POLR2B: variants seen among roughly 807,000 people sequenced by gnomAD.
The protein encoded by POLR2B is RNA polymerase II subunit B.
Under a neutral mutation model 144.6 loss-of-function variants are expected in POLR2B, and 57 were observed. That is an observed-to-expected ratio of 0.39 (90% CI 0.32 to 0.49). POLR2B has a LOEUF of 0.49. Ranked by LOEUF, POLR2B falls within the 20% of genes least tolerant of loss-of-function variation. The probability of loss-of-function intolerance (pLI) is 0.83; values close to 1 mark genes in which losing one functional copy is unlikely to be tolerated. For synonymous variants in POLR2B, 442 were observed against 469.8 expected (o/e 0.94, Z 0.77); for missense variants, 595 against 1,467.4 (o/e 0.41, Z 9.71).
Position 57,017,487 on chromosome 4 carries a change from G to T in POLR2B, c.2155-73G>T. ...GAGTTTTACCAATCATATTTCTTTT[G>T]ATTTATTGTCAGAGTCTTTTCCATT... On this transcript the variant is annotated intron_variant, in intron 15 of 24. Coordinates refer to ENST00000314595, the MANE Select transcript of POLR2B (RefSeq NM_000938.3). The surrounding 1 kb of genome is among the most constrained non-coding windows in gnomAD (Gnocchi z 4.8). 2 of 1,243,230 alleles carry T rather than the reference G, an allele frequency of 1.6e-6. No homozygotes were observed. Among genetic ancestry groups the T allele is most frequent in the South Asian group, 3.0e-5 (2 of 66,222 alleles). The allele number at this position is 1,243,230 out of a possible 1,614,324, so 77.0% of individuals were successfully genotyped here. A position where few individuals can be genotyped will look rare whatever the true frequency, so the allele number is the denominator to read the frequency against.
chr4:56,978,943 CTT>C lies in POLR2B; in HGVS notation c.-40_-39del, dbSNP rs753942398. The C allele has an allele frequency of 1.2e-4, 192 of 1,607,562 alleles. No individual in the cohort carries two copies. Among genetic ancestry groups the C allele is most frequent in the Non-Finnish European group, 1.6e-4 (184 of 1,175,196 alleles). On this transcript the variant is annotated 5_prime_UTR_variant, in exon 1 of 25. Coordinates refer to ENST00000314595, the MANE Select transcript of POLR2B (RefSeq NM_000938.3). ...CTGCTGGCTTCTGGGCGGTTTTTGT[CTT>C]TTGATTTCAAGAGTTAGGAGCTCGA...
chr4:57,010,208 A>T, intron 10 of POLR2B, 153 bp from the exon 11 acceptor site: 1 of 649,696 alleles, frequency 1.5e-6, no homozygotes, highest in Non-Finnish European at 2.6e-6. Flanking sequence ...CAGGTAAGTT[A>T]AAGTGTCAAA....
intron 1 of POLR2B, among the ~76,000 whole-genome samples, chr4:56,980,607 C>G (rs1369922265): frequency 3.3e-5 from 5 of 152,016 alleles, no homozygotes; most frequent in Non-Finnish European, 5.9e-5. Flanking sequence ...ATAGTCCCAG[C>G]TACTTGTGGG....
intron 21 of POLR2B, among the ~76,000 whole-genome samples, chr4:57,024,624 A>C (rs1723658167): frequency 6.6e-6 from 1 of 152,096 alleles, no homozygotes; most frequent in Non-Finnish European, 1.5e-5. Context: ...TTCTATTTGA[A>C]TACTTATAAT....
intron 2 of POLR2B, among the ~76,000 whole-genome samples, chr4:56,988,081 T>G (rs912996758): frequency 1.3e-5 from 2 of 151,708 alleles, no homozygotes; most frequent in Non-Finnish European, 2.9e-5. Flanking sequence ...AATTAAAAAA[T>G]ATATATTGAG....
At chr4:57,012,072 TA>T (rs1251560174) in intron 13 of POLR2B, among the ~76,000 whole-genome samples, 2 of 152,060 alleles carry the variant, frequency 1.3e-5, no homozygotes, top group East Asian at 1.9e-4. Flanking sequence ...TTTTGGAGGA[TA>T]TTGAAGTGCT....
chr4:56,992,464 CAAAA>C lies in POLR2B; in HGVS notation c.243+1591_243+1594del, dbSNP rs1209234628. 5.7e-3 allele frequency among the ~76,000 whole-genome samples: 97 copies of C among 17,122 alleles called. 1 individual carries two copies. In the Admixed American group the frequency reaches 0.11, roughly 19 times the overall value. The allele number at this position is 17,122 out of a possible 152,430, so 11.2% of individuals were successfully genotyped here. A position where few individuals can be genotyped will look rare whatever the true frequency, so the allele number is the denominator to read the frequency against. On this transcript the variant is annotated intron_variant, in intron 3 of 24. Coordinates refer to ENST00000314595, the MANE Select transcript of POLR2B (RefSeq NM_000938.3). ...TGGGCGAGAGGTCGAGACTCTGTCT[CAAAA>C]AAAAAAAAAAAAAAAAAAAAAAAAG... is the stretch of plus-strand genomic sequence containing the variant.
intron 3 of POLR2B, among the ~76,000 whole-genome samples, chr4:56,992,073 T>TA (rs1722524142): frequency 6.6e-6 from 1 of 151,576 alleles, no homozygotes; most frequent in South Asian, 2.1e-4. Context: ...CTCTAACACC[T>TA]AGTTATCAGA....
intron 16 of POLR2B, among the ~76,000 whole-genome samples, chr4:57,019,051 C>T (rs1173327770): frequency 6.6e-6 from 1 of 152,126 alleles, no homozygotes; most frequent in East Asian, 1.9e-4. Context: ...TGGGGCTCTA[C>T]CATTTTGATA....
intron 13 of POLR2B, among the ~76,000 whole-genome samples, chr4:57,012,364 C>T (rs1247264436): frequency 6.6e-6 from 1 of 151,810 alleles, no homozygotes; most frequent in East Asian, 1.9e-4. Flanking sequence ...GAGATTGCAC[C>T]ATTGTACTCC....
chr4:56,997,058 A>T (rs1371621987), intron 6 of POLR2B, among the ~76,000 whole-genome samples: 3 of 152,186 alleles, frequency 2.0e-5, no homozygotes, highest in Admixed American at 6.5e-5. Context: ...GCGCCACTGC[A>T]CACCAGCGTG....
intron 3 of POLR2B, among the ~76,000 whole-genome samples, chr4:56,992,560 ATTTTT>A (rs779373741): frequency 1.2e-5 from 1 of 85,584 alleles, no homozygotes; most frequent in Non-Finnish European, 2.3e-5. Context: ...TGGCTTATCT[ATTTTT>A]TTTTTTTTTT....
rs779421045 is a variant in POLR2B at position 57,017,289 on chromosome 4, T to C, written c.2154+48T>C. 2.2e-6 allele frequency: 3 copies of C among 1,387,336 alleles called. No homozygotes were observed. The highest frequency in any genetic ancestry group is 1.0e-6 in the Non-Finnish European group (1 of 988,236). 85.9% of individuals were successfully genotyped at this position (1,387,336 alleles called of 1,614,324 possible). A position where few individuals can be genotyped will look rare whatever the true frequency, so the allele number is the denominator to read the frequency against. On this transcript the variant is annotated intron_variant, in intron 15 of 24. Coordinates refer to ENST00000314595, the MANE Select transcript of POLR2B (RefSeq NM_000938.3). The surrounding 1 kb of genome is among the most constrained non-coding windows in gnomAD (Gnocchi z 4.8). The stretch of plus-strand genomic sequence containing the variant: ...TGGTGTGAGGAATTGGGAGAAGTAA[T>C]AAAAATTGAAAGTAACTCTGTAGTC...
Position 57,023,598 on chromosome 4 carries a change from C to T in POLR2B, c.2766+18C>T. On this transcript the variant is annotated intron_variant, in intron 19 of 24. Transcript: ENST00000314595. This position sits in a 1 kb window ranked among gnomAD's most constrained non-coding sequence, Gnocchi z 4.3. Reference sequence around the variant, plus strand: ...AAATAAGGGTGAGTACAACTTTGTTCATGTAGCTAGTTTTAGAAAGTAAAC... The same window carrying T: ...AAATAAGGGTGAGTACAACTTTGTTTATGTAGCTAGTTTTAGAAAGTAAAC... 6.2e-7 allele frequency: 1 copy of T among 1,612,424 alleles called. No individual in the cohort carries two copies. Among genetic ancestry groups the T allele is most frequent in the Non-Finnish European group, 8.5e-7 (1 of 1,178,790 alleles).
At chr4:56,982,043 T>C (rs1553908691) in intron 1 of POLR2B, among the ~76,000 whole-genome samples, 1 of 152,232 alleles carries the variant, frequency 6.6e-6, no homozygotes, top group Non-Finnish European at 1.5e-5. Flanking sequence ...CTGTTCACAT[T>C]CTCCTTGGGT....
chr4:56,985,491 C>G, intron 1 of POLR2B: 1 of 983,876 alleles, frequency 1.0e-6, no homozygotes, highest in Non-Finnish European at 1.2e-6. Context: ...ACCTCTGTCT[C>G]CTGGGTTCAA....
intron 1 of POLR2B, among the ~76,000 whole-genome samples, chr4:56,982,734 T>TA (rs1266260090): frequency 1.3e-5 from 2 of 152,160 alleles, no homozygotes; most frequent in African/African-American, 4.8e-5. Context: ...ATTTAAAAGA[T>TA]ACAGGAGGAT....
intron 11 of POLR2B, 39 bp from the exon 12 acceptor site, chr4:57,010,709 T>C: frequency 1.3e-6 from 2 of 1,533,530 alleles, no homozygotes; most frequent in South Asian, 1.2e-5. Flanking sequence ...TTGATAGGCA[T>C]GTAAAATCAG....
chr4:57,004,740 A>C (rs1188191257), intron 7 of POLR2B, among the ~76,000 whole-genome samples: 1 of 152,170 alleles, frequency 6.6e-6, no homozygotes. Flanking sequence ...GCTGGAGTGC[A>C]ATGGCACCAT....
Sources: allele counts gnomAD v4.1 joint callset (sites outside exome capture counted in the v4.1 genomes callset), GRCh38; gene constraint gnomAD v4.1.1; non-coding constraint Gnocchi (gnomAD v3.1); transcripts MANE v1.5; gene names NCBI Gene and HGNC (gene_info 2026-07-23, HGNC 2026-07-21).